The following KIAA1217 variants were observed in gnomAD, a reference collection of about 807,000 sequenced individuals.
KIAA1217 encodes sickle tail protein homolog.
A neutral mutation model predicts 163.9 loss-of-function variants in KIAA1217; 88 were observed. That is an observed-to-expected ratio of 0.54 (90% CI 0.45 to 0.64). The LOEUF is 0.64. Ranked by LOEUF, KIAA1217 falls within the 30% of genes least tolerant of loss-of-function variation. KIAA1217 has a pLI of 0.00. For synonymous variants in KIAA1217, 903 were observed against 923.1 expected (o/e 0.98, Z 0.39); for missense variants, 2,372 against 2,475.0 (o/e 0.96, Z 0.88).
At chr10:23,876,169 G>GTTC (rs1352386717) in intron 1 of KIAA1217, among the ~76,000 whole-genome samples, 2 of 151,698 alleles carry the variant, frequency 1.3e-5, no homozygotes, top group African/African-American at 4.8e-5. Flanking sequence ...GCAAAATCAA[G>GTTC]TTCTTTGCAG....
At chr10:24,439,173 G>T (rs913907758) in intron 5 of KIAA1217, among the ~76,000 whole-genome samples, 1 of 152,118 alleles carries the variant, frequency 6.6e-6, no homozygotes, top group Non-Finnish European at 1.5e-5. Flanking sequence ...ATTAATGCAG[G>T]TCCACTAGAA....
intron 3 of KIAA1217, among the ~76,000 whole-genome samples, chr10:24,413,965 C>T (rs1446569633): frequency 2.0e-5 from 3 of 152,272 alleles, no homozygotes; most frequent in Middle Eastern, 3.4e-3. Flanking sequence ...AGCTTACCAT[C>T]GTATCCCCTC....
rs866331558 is a variant in KIAA1217 at position 23,823,928 on chromosome 10, G to T, written c.-321+128694G>T. ...AGACAAAGAGGGAGGAAGAAGAGAG[G>T]GGGGGAAAGGAAGGGAAGGAACTGA... On this transcript the variant is annotated intron_variant, in intron 1 of 18. Coordinates refer to the KIAA1217 transcript ENST00000376462. Among the ~76,000 whole-genome samples the T allele has an allele frequency of 6.6e-5, 10 of 151,632 alleles. No homozygotes were observed. The South Asian group carries it at 1.5e-3, about 22-fold the overall frequency.
chr10:24,015,751 A>C (rs553289764), intron 2 of KIAA1217, among the ~76,000 whole-genome samples: 1 of 110,728 alleles, frequency 9.0e-6, no homozygotes, highest in African/African-American at 2.7e-5. Flanking sequence ...TGAGACTCTG[A>C]CTCAAAAAAA....
intron 3 of KIAA1217, among the ~76,000 whole-genome samples, chr10:24,402,245 G>A (rs1333238162): frequency 6.6e-6 from 1 of 152,094 alleles, no homozygotes; most frequent in Non-Finnish European, 1.5e-5. Flanking sequence ...AGTGACTCAC[G>A]CCTGTAATCC....
chr10:24,391,333 C>CTTTTT (rs768727392), intron 3 of KIAA1217, among the ~76,000 whole-genome samples: 319 of 29,846 alleles, frequency 0.011, no homozygotes, highest in Non-Finnish European at 0.012. Flanking sequence ...TTCTTTCTTT[C>CTTTTT]TTTTTTTTTT....
At position 23,758,420 on chromosome 10, in the gene KIAA1217, G is replaced by A. The variant is rs141675789; in HGVS notation, c.-321+63186G>A. 2.0e-3 allele frequency among the ~76,000 whole-genome samples: 303 copies of A among 152,178 alleles called. 2 individuals are homozygous for A. Among genetic ancestry groups the A allele is most frequent in the African/African-American group, 7.0e-3 (291 of 41,532 alleles). ...GTTGTATTCCATTGGTCTGTATGTC[G>A]ATGCCAGCACCACACTGTTTCAATT... On this transcript the variant is annotated intron_variant, in intron 1 of 18. Coordinates refer to the KIAA1217 transcript ENST00000376462.
intron 1 of KIAA1217, among the ~76,000 whole-genome samples, chr10:23,747,422 G>T (rs1839472385): frequency 6.6e-6 from 1 of 152,132 alleles, no homozygotes; most frequent in South Asian, 2.1e-4. Context: ...GTGGGTTTCA[G>T]GAGAGAGATA....
rs145624303 is a variant in KIAA1217, at chr10:24,353,913, G to A, written c.355-26956G>A. ...GACTAGATATGAAAAATGACAATCA[G>A]TAATATTCCTCCAGCTGGCAGAGTG... On this transcript the variant is annotated intron_variant, in intron 2 of 20. Coordinates refer to ENST00000376454, the MANE Select transcript of KIAA1217 (RefSeq NM_019590.5). Among the ~76,000 whole-genome samples the A allele has an allele frequency of 1.7e-3, 265 of 152,280 alleles. 1 individual carries two copies. Among genetic ancestry groups the A allele is most frequent in the Non-Finnish European group, 2.9e-3 (200 of 68,022 alleles).
intron 2 of KIAA1217, among the ~76,000 whole-genome samples, chr10:24,160,023 T>A (rs2065050098): frequency 6.6e-6 from 1 of 152,156 alleles, no homozygotes; most frequent in African/African-American, 2.4e-5. Flanking sequence ...TATGTAATAT[T>A]AGTGTGGGTA....
intron 2 of KIAA1217, among the ~76,000 whole-genome samples, chr10:24,130,990 A>C (rs547663181): frequency 2.4e-4 from 37 of 152,334 alleles, no homozygotes; most frequent in Admixed American, 6.5e-4. Flanking sequence ...TAGTGATTAC[A>C]GTTCTTCCTC....
intron 1 of KIAA1217, among the ~76,000 whole-genome samples, chr10:23,950,395 T>A (rs1371364802): frequency 6.6e-6 from 1 of 152,174 alleles, no homozygotes; most frequent in East Asian, 1.9e-4. Flanking sequence ...CACATCATTT[T>A]TTTTTTATTT....
intron 5 of KIAA1217, among the ~76,000 whole-genome samples, chr10:24,445,862 G>A (rs1197429129): frequency 1.3e-5 from 2 of 152,054 alleles, no homozygotes; most frequent in Non-Finnish European, 2.9e-5. Context: ...TGTCTTTATA[G>A]CAGCGTGATT....
intron 1 of KIAA1217, among the ~76,000 whole-genome samples, chr10:23,853,486 G>T (rs1156476488): frequency 6.6e-6 from 1 of 152,084 alleles, no homozygotes; most frequent in Non-Finnish European, 1.5e-5. Flanking sequence ...TTTTTTGGTT[G>T]TGTCTCTGCC....
chr10:24,156,035 A>T (rs1271508390), intron 2 of KIAA1217, among the ~76,000 whole-genome samples: 3 of 152,174 alleles, frequency 2.0e-5, no homozygotes, highest in African/African-American at 7.2e-5. Context: ...ACACATTTAA[A>T]TTTTCCCATT....
At chr10:24,170,136 G>A (rs1287802015) in intron 2 of KIAA1217, among the ~76,000 whole-genome samples, 3 of 152,176 alleles carry the variant, frequency 2.0e-5, no homozygotes, top group Admixed American at 2.0e-4. Context: ...ATTAAATTAA[G>A]AGTAACATTT....
intron 1 of KIAA1217, among the ~76,000 whole-genome samples, chr10:23,781,155 T>A (rs1221970310): frequency 6.6e-6 from 1 of 152,220 alleles, no homozygotes; most frequent in Non-Finnish European, 1.5e-5. Context: ...ATGTAGTAGT[T>A]CTGTTTTTAA....
At chr10:24,537,555 C>G (rs1379147423) in intron 17 of KIAA1217, among the ~76,000 whole-genome samples, 1 of 145,632 alleles carries the variant, frequency 6.9e-6, no homozygotes, top group Non-Finnish European at 1.5e-5. Flanking sequence ...CCAGCCTGGG[C>G]AACAAGAGCA....
At chr10:23,791,236 C>T (rs527648792) in intron 1 of KIAA1217, among the ~76,000 whole-genome samples, 1 of 152,172 alleles carries the variant, frequency 6.6e-6, no homozygotes, top group East Asian at 1.9e-4. Context: ...TTTTAAAAAA[C>T]TTTGTATAAT....
Sources: gnomAD v4.1 joint callset for allele counts (sites outside exome capture counted in the v4.1 genomes callset) on GRCh38, gnomAD v4.1.1 for gene constraint, MANE v1.5 for transcripts, NCBI Gene and HGNC (gene_info 2026-07-23, HGNC 2026-07-21) for gene names.